The following ITGA1 variants were observed in gnomAD, a reference collection of about 807,000 sequenced individuals.
ITGA1 encodes the protein integrin subunit alpha 1, also known as integrin alpha-1.
In ITGA1, 85 loss-of-function variants were observed where a neutral mutation model predicts 145.9. That is an observed-to-expected ratio of 0.58 (90% CI 0.49 to 0.70). The LOEUF (loss-of-function observed/expected upper bound fraction) is 0.70, where lower values mean the gene tolerates loss of function less well. Ranked by LOEUF, ITGA1 falls within the 30% of genes least tolerant of loss-of-function variation. The probability of loss-of-function intolerance (pLI) is 0.00; values close to 1 mark genes in which losing one functional copy is unlikely to be tolerated. For missense variants in ITGA1, 1,351 were observed against 1,418.7 expected (o/e 0.95, Z 0.77); for synonymous variants, 520 against 495.3 (o/e 1.05, Z -0.66).
At chr5:52,927,263 C>T (rs1750825856) in intron 19 of ITGA1, among the ~76,000 whole-genome samples, 1 of 152,170 alleles carries the variant, frequency 6.6e-6, no homozygotes, top group Non-Finnish European at 1.5e-5. Context: ...TGCTCTGCAC[C>T]AGTCTTGGGT....
chr5:52,841,804 A>G (rs1749257324), intron 1 of ITGA1, among the ~76,000 whole-genome samples: 1 of 152,214 alleles, frequency 6.6e-6, no homozygotes, highest in Non-Finnish European at 1.5e-5. Flanking sequence ...AATACTTAAT[A>G]TATCACCTTT....
chr5:52,932,179 C>A, intron 22 of ITGA1, 43 bp downstream of exon 22: 1 of 1,222,560 alleles, frequency 8.2e-7, no homozygotes, highest in Non-Finnish European at 1.2e-6. Flanking sequence ...TTTCTATTAA[C>A]CCAGTGGTTC....
intron 26 of ITGA1, among the ~76,000 whole-genome samples, chr5:52,942,398 G>GT (rs1450204912): frequency 3.9e-5 from 6 of 152,038 alleles, no homozygotes; most frequent in African/African-American, 4.8e-5. Context: ...TAAATGAAAG[G>GT]TTTTTTCTTT....
intron 18 of ITGA1, among the ~76,000 whole-genome samples, chr5:52,924,950 A>G (rs1195125358): frequency 6.6e-6 from 1 of 152,220 alleles, no homozygotes; most frequent in Non-Finnish European, 1.5e-5. Context: ...TCATGATTAG[A>G]GTTGAGTAGA....
intron 14 of ITGA1, 87 bp from the exon 15 acceptor site, chr5:52,915,377 G>A (rs1750627337): frequency 1.4e-6 from 2 of 1,411,780 alleles, no homozygotes; most frequent in Non-Finnish European, 2.0e-6. Context: ...TGATTATTTT[G>A]TTAAACAATT....
intron 11 of ITGA1, among the ~76,000 whole-genome samples, chr5:52,899,067 A>T (rs1174181872): frequency 6.6e-6 from 1 of 152,170 alleles, no homozygotes; most frequent in Non-Finnish European, 1.5e-5. Flanking sequence ...AGGACCTAAA[A>T]TAAAAAGGAC....
At chr5:52,917,917 T>C (rs1750672247) in intron 15 of ITGA1, among the ~76,000 whole-genome samples, 1 of 152,200 alleles carries the variant, frequency 6.6e-6, no homozygotes, top group Non-Finnish European at 1.5e-5. Context: ...AGTGACCTCA[T>C]TATTCACAAC....
In ITGA1 at chr5:52,926,937, T is replaced by C. The variant is rs1256867029; in HGVS notation, c.2614-647T>C. Among the ~76,000 whole-genome samples, 2 of 152,236 alleles carry C rather than the reference T, an allele frequency of 1.3e-5. 1 individual carries two copies. The highest frequency in any genetic ancestry group is 1.3e-4 in the Admixed American group (2 of 15,282). ...CAGAGATGCGAAGATAAAACCTTTT[T>C]TTCATGTTTCAACATTCTTGTAATT... is the stretch of plus-strand genomic sequence containing the variant. On this transcript the variant is annotated intron_variant, in intron 19 of 28. Coordinates refer to ENST00000282588, the MANE Select transcript of ITGA1 (RefSeq NM_181501.2).
chr5:52,917,855 T>C (rs1004341467), intron 15 of ITGA1, among the ~76,000 whole-genome samples: 1 of 152,214 alleles, frequency 6.6e-6, no homozygotes, highest in Non-Finnish European at 1.5e-5. Context: ...TATGAGTCCA[T>C]TGTTTTAACA....
intron 27 of ITGA1, 90 bp downstream of exon 27, chr5:52,945,125 A>G (rs1475968044): frequency 2.2e-6 from 2 of 929,516 alleles, no homozygotes; most frequent in African/African-American, 3.3e-5. Context: ...TCCCTTAAGC[A>G]GTGACTGGTA....
intron 17 of ITGA1, 75 bp from the exon 18 acceptor site, chr5:52,922,699 CAGA>C (rs914330789): frequency 1.3e-5 from 12 of 899,598 alleles, no homozygotes; most frequent in African/African-American, 8.3e-5. Flanking sequence ...CCCTTGGGAA[CAGA>C]AGAAGGAGAC....
intron 1 of ITGA1, chr5:52,803,465 ACT>A (rs1177098312): frequency 6.6e-6 from 1 of 152,058 alleles, no homozygotes; most frequent in African/African-American, 2.4e-5. Flanking sequence ...GGACATTTTT[ACT>A]CTCATAATCT....
chr5:52,941,988 G>A (rs79203147), intron 26 of ITGA1, among the ~76,000 whole-genome samples: 1 of 152,048 alleles, frequency 6.6e-6, no homozygotes, highest in Admixed American at 6.6e-5. Flanking sequence ...TCATTCTTCT[G>A]CATATGGCTA....
At chr5:52,853,405 G>T (rs1749457874) in intron 2 of ITGA1, among the ~76,000 whole-genome samples, 1 of 152,074 alleles carries the variant, frequency 6.6e-6, no homozygotes, top group South Asian at 2.1e-4. Context: ...GAGGAACATG[G>T]ATTTTGTTAT....
chr5:52,830,197 A>T (rs1412645477), intron 1 of ITGA1, among the ~76,000 whole-genome samples: 1 of 152,184 alleles, frequency 6.6e-6, no homozygotes, highest in African/African-American at 2.4e-5. Flanking sequence ...CTTATTCAGA[A>T]CACTAAAAGC....
chr5:52,868,107 T>C lies in ITGA1; in HGVS notation c.624+2290T>C, dbSNP rs1749716941. Among the ~76,000 whole-genome samples, 3 of 152,350 alleles carry C rather than the reference T, an allele frequency of 2.0e-5. No homozygotes were observed. In the South Asian group the frequency reaches 6.2e-4, roughly 32 times the overall value. ...GTGCTTTCTTTCCTTCTTCTTGTTT[T>C]GTCCATCCCATTTGATCTTCTTACC... On this transcript the variant is annotated intron_variant, in intron 6 of 28. Transcript: ENST00000282588.
intron 26 of ITGA1, among the ~76,000 whole-genome samples, chr5:52,943,509 A>G (rs1186512410): frequency 6.6e-6 from 1 of 152,188 alleles, no homozygotes; most frequent in African/African-American, 2.4e-5. Flanking sequence ...ATAGGCTCTT[A>G]GTCTTGCCAC....
rs563930929 is a variant in ITGA1, at chr5:52,885,118, G to A, written c.774-2697G>A. Among the ~76,000 whole-genome samples, 3 of 152,232 alleles carry A rather than the reference G, an allele frequency of 2.0e-5. No individual in the cohort carries two copies. In the South Asian group the frequency reaches 6.2e-4, roughly 32 times the overall value. On this transcript the variant is annotated intron_variant, in intron 7 of 28. Transcript: ENST00000282588. ...AAGAGATATGTAGTGCAAGCTATGAGGGAAAGGTGTCAGAGCTGCCATTCC... is the reference window on the plus strand; with the variant it reads ...AAGAGATATGTAGTGCAAGCTATGAAGGAAAGGTGTCAGAGCTGCCATTCC...
chr5:52,865,934 T>A, intron 6 of ITGA1, 117 bp downstream of exon 6: 1 of 709,946 alleles, frequency 1.4e-6, no homozygotes, highest in Non-Finnish European at 2.2e-6. Context: ...GAGAATGAAT[T>A]TTATATCCAT....
Sources: gnomAD v4.1 joint callset for allele counts (sites outside exome capture counted in the v4.1 genomes callset) on GRCh38, gnomAD v4.1.1 for gene constraint, MANE v1.5 for transcripts, NCBI Gene and HGNC (gene_info 2026-07-23, HGNC 2026-07-21) for gene names.